AEBP2: variants seen among roughly 807,000 people sequenced by gnomAD.
AEBP2 encodes zinc finger protein AEBP2.
Under a neutral mutation model 50.8 loss-of-function variants are expected in AEBP2, and 10 were observed. The ratio of observed to expected loss-of-function variants is 0.20; its 90% CI spans 0.12 to 0.33. The LOEUF is 0.33. Ranked by LOEUF, AEBP2 falls within the 10% of genes least tolerant of loss-of-function variation. AEBP2 has a pLI of 1.00. For missense variants in AEBP2, 570 were observed against 688.0 expected, an observed-to-expected ratio of 0.83 and a Z score of 1.92; for synonymous variants, 296 against 261.3, an observed-to-expected ratio of 1.13 and a Z score of -1.28.
At chr12:19,454,818 A>C (rs1948237665) in intron 1 of AEBP2, among the ~76,000 whole-genome samples, 1 of 152,186 alleles carries the variant, frequency 6.6e-6, no homozygotes, top group Admixed American at 6.5e-5. Context: ...AGGAGCTACA[A>C]CACAAATGAA....
At chr12:19,443,285 C>T (rs771933638) in intron 1 of AEBP2, among the ~76,000 whole-genome samples, 1 of 151,484 alleles carries the variant, frequency 6.6e-6, no homozygotes, top group Non-Finnish European at 1.5e-5. Context: ...AGTAGAGATG[C>T]GATTTCACCA....
At chr12:19,494,483 A>G (rs1054369685) in intron 4 of AEBP2, among the ~76,000 whole-genome samples, 1 of 151,174 alleles carries the variant, frequency 6.6e-6, no homozygotes, top group African/African-American at 2.4e-5. Context: ...GTGTGTGGAT[A>G]ACAAAGCAGT....
At chr12:19,418,198 A>G (rs1327217542) in intron 1 of AEBP2, among the ~76,000 whole-genome samples, 2 of 151,780 alleles carry the variant, frequency 1.3e-5, no homozygotes, top group Non-Finnish European at 2.9e-5. Context: ...CGTAACTGAG[A>G]CACCCCTTTC....
chr12:19,479,151 A>C (rs1176672134), intron 3 of AEBP2, among the ~76,000 whole-genome samples: 1 of 152,196 alleles, frequency 6.6e-6, no homozygotes, highest in East Asian at 1.9e-4. Flanking sequence ...AGAGATTGCC[A>C]TGAGCCAAGA....
intron 3 of AEBP2, among the ~76,000 whole-genome samples, chr12:19,480,262 C>G (rs892605421): frequency 2.6e-5 from 4 of 152,196 alleles, no homozygotes; most frequent in Admixed American, 2.6e-4. Context: ...CACCACCACG[C>G]CTGGCTAATT....
intron 3 of AEBP2, among the ~76,000 whole-genome samples, chr12:19,479,416 A>G (rs1766585875): frequency 6.6e-6 from 1 of 152,174 alleles, no homozygotes; most frequent in South Asian, 2.1e-4. Flanking sequence ...CTTGCTAGAG[A>G]TGTAGATATC....
chr12:19,423,714 G>A (rs1025174572), intron 1 of AEBP2, among the ~76,000 whole-genome samples: 2 of 152,136 alleles, frequency 1.3e-5, no homozygotes, highest in African/African-American at 2.4e-5. Context: ...CATGGCTTAC[G>A]CCTGTAATCC....
intron 1 of AEBP2, among the ~76,000 whole-genome samples, chr12:19,445,102 G>A (rs1356784943): frequency 2.0e-5 from 3 of 152,182 alleles, no homozygotes; most frequent in Non-Finnish European, 4.4e-5. Flanking sequence ...CTGTAAGATT[G>A]CAATGTGAAT....
chr12:19,514,834 C>T (rs753401052), intron 7 of AEBP2, 50 bp downstream of exon 7: 4 of 1,425,674 alleles, frequency 2.8e-6, no homozygotes, highest in Middle Eastern at 2.1e-4. Context: ...GTAATTTTCT[C>T]TCCCCAAATT....
In AEBP2 at chr12:19,473,375, A is replaced by AAATTAATTAATT. The variant is rs199934534; in HGVS notation, c.987+24_987+25insAATTAATTAATT. 36 of 260,736 alleles carry AAATTAATTAATT rather than the reference A, an allele frequency of 1.4e-4. 1 individual carries two copies. Among genetic ancestry groups the AAATTAATTAATT allele is most frequent in the African/African-American group, 1.2e-3 (22 of 18,050 alleles). 16.2% of individuals were successfully genotyped at this position (260,736 alleles called of 1,614,324 possible). A position where few individuals can be genotyped will look rare whatever the true frequency, so the allele number is the denominator to read the frequency against. On this transcript the variant is annotated intron_variant, in intron 3 of 7. Coordinates refer to ENST00000266508, the MANE Select transcript of AEBP2 (RefSeq NM_153207.5). ...TTCAAGGTAAGGATGCATGTATATA[A>AAATTAATTAATT]AATTTATTTATTTATTTATTTATTT...
chr12:19,412,539 A>C (rs1207836157), intron 1 of AEBP2, among the ~76,000 whole-genome samples: 1 of 152,000 alleles, frequency 6.6e-6, no homozygotes, highest in African/African-American at 2.4e-5. Context: ...TGGTCTTCCA[A>C]AGTGCTGGGA....
chr12:19,413,610 T>C (rs937450691), intron 1 of AEBP2: 6 of 578,556 alleles, frequency 1.0e-5, no homozygotes, highest in Admixed American at 3.1e-5. Flanking sequence ...AAAGAATGGC[T>C]ATTCCATAGA....
At position 19,518,134 on chromosome 12, in the gene AEBP2, TA is replaced by T; in HGVS notation, c.*22del. On this transcript the variant is annotated 3_prime_UTR_variant, in exon 8 of 8. Transcript: ENST00000266508. ...AAGAGGTAAAAAATAAATAAATACA[TA>T]AAAAGCAAACAAGCGGGGACACCTG... The T allele has an allele frequency of 6.3e-7, 1 of 1,585,690 alleles. No homozygotes were observed. The highest frequency in any genetic ancestry group is 8.6e-7 in the Non-Finnish European group (1 of 1,165,726).
chr12:19,499,054 A>G (rs991962364), intron 4 of AEBP2, among the ~76,000 whole-genome samples: 1 of 152,192 alleles, frequency 6.6e-6, no homozygotes, highest in African/African-American at 2.4e-5. Context: ...TAAGCTGATT[A>G]ATACAAATGG....
chr12:19,513,543 T>C lies in AEBP2; in HGVS notation c.1367+1078T>C, dbSNP rs531270697. ...GAGGCTGAGGCAGAAAGATTGCTTT[T>C]AGGGCAGGAGTTTGAGATCAGCCTG... On this transcript the variant is annotated intron_variant, in intron 6 of 7. Coordinates refer to ENST00000266508, the MANE Select transcript of AEBP2 (RefSeq NM_153207.5). 2.6e-5 allele frequency among the ~76,000 whole-genome samples: 4 copies of C among 152,244 alleles called. No individual in the cohort carries two copies. In the East Asian group the frequency reaches 5.8e-4, roughly 22 times the overall value.
intron 3 of AEBP2, among the ~76,000 whole-genome samples, chr12:19,485,948 C>CTTTTT (rs60355570): frequency 1.2e-4 from 11 of 91,204 alleles, no homozygotes; most frequent in East Asian, 3.5e-4. Flanking sequence ...TGAGCCTCTG[C>CTTTTT]TTTTTTTTTT....
At chr12:19,439,345 G>A (rs1222435692), upstream of AEBP2, among the ~76,000 whole-genome samples, 5 of 139,188 alleles carry the variant, frequency 3.6e-5, no homozygotes, top group African/African-American at 5.1e-5. Context: ...GCGTGGGAAG[G>A]CCCCGAGGAA....
intron 1 of AEBP2, among the ~76,000 whole-genome samples, chr12:19,459,921 A>C (rs1173550537): frequency 6.6e-6 from 1 of 152,230 alleles, no homozygotes; most frequent in South Asian, 2.1e-4. Flanking sequence ...CTCTGCCGCT[A>C]CAAAAAAATA....
At chr12:19,475,096 T>G (rs970538485) in intron 3 of AEBP2, among the ~76,000 whole-genome samples, 20 of 152,188 alleles carry the variant, frequency 1.3e-4, no homozygotes, top group African/African-American at 4.8e-4. Context: ...GAATAGTTTT[T>G]GGGGAACAGG....
Sources: gnomAD v4.1 joint callset for allele counts (sites outside exome capture counted in the v4.1 genomes callset) on GRCh38, gnomAD v4.1.1 for gene constraint, MANE v1.5 for transcripts, NCBI Gene and HGNC (gene_info 2026-07-23, HGNC 2026-07-21) for gene names.